Variants in AP3B2 observed in about 807,000 individuals in gnomAD.
AP3B2 encodes the protein AP-3 complex subunit beta-2.
Under a neutral mutation model 126.9 loss-of-function variants are expected in AP3B2, and 50 were observed. The observed-to-expected ratio is 0.39, with a 90% CI of 0.31 to 0.50. AP3B2 has a LOEUF of 0.50. Among genes scored for constraint, AP3B2 ranks in the 20% least tolerant of loss-of-function variants. AP3B2 has a pLI of 0.79. For synonymous variants in AP3B2, 541 were observed against 565.0 expected (o/e 0.96, Z 0.60); for missense variants, 1,177 against 1,426.4 (o/e 0.83, Z 2.82).
intron 14 of AP3B2, among the ~76,000 whole-genome samples, 182 bp downstream of exon 14, chr15:82,676,279 C>T (rs887863674): frequency 1.3e-5 from 2 of 152,210 alleles, no homozygotes; most frequent in African/African-American, 4.8e-5. Context: ...ACCACCAGCA[C>T]TACAAGGTCT....
chr15:82,675,885 T>C (rs1015298011), intron 14 of AP3B2, among the ~76,000 whole-genome samples: 2 of 152,174 alleles, frequency 1.3e-5, no homozygotes, highest in Non-Finnish European at 2.9e-5. Flanking sequence ...GAGAATCTCC[T>C]GGAACCATCT....
Position 82,664,267 on chromosome 15 carries a change from G to T in AP3B2, c.2261+100C>A, listed in dbSNP as rs2048011423. ...GACAGCCCCACCCAGCTCACGAGGG[G>T]CTCAGGGGCTCTTAGGAGACTGGCT... On this transcript the variant is annotated intron_variant, in intron 19 of 26. Coordinates refer to ENST00000535359, the MANE Select transcript of AP3B2 (RefSeq NM_001278512.2). This position sits in a 1 kb window ranked among gnomAD's most constrained non-coding sequence, Gnocchi z 4.5. 1.9e-6 allele frequency: 3 copies of T among 1,575,138 alleles called. No homozygotes were observed. The highest frequency in any genetic ancestry group is 2.6e-6 in the Non-Finnish European group (3 of 1,159,074).
In AP3B2 at chr15:82,666,746, C is replaced by T; in HGVS notation, c.1852+1G>A. On this transcript the variant is annotated splice_donor_variant, in intron 15 of 26. Coordinates refer to ENST00000535359, the MANE Select transcript of AP3B2 (RefSeq NM_001278512.2). LOFTEE classifies it high-confidence loss of function. ...AGGTTACCCTTGATTTCAGCTCCCACCTTTGAAGGATGACTCCAAGACTGG... is the reference window on the plus strand; with the variant it reads ...AGGTTACCCTTGATTTCAGCTCCCATCTTTGAAGGATGACTCCAAGACTGG... 6.2e-7 allele frequency: 1 copy of T among 1,613,066 alleles called. No individual in the cohort carries two copies. Among genetic ancestry groups the T allele is most frequent in the Non-Finnish European group, 8.5e-7 (1 of 1,179,296 alleles).
At chr15:82,663,778 T>G in intron 20 of AP3B2, 23 bp downstream of exon 20, 2 of 1,607,166 alleles carry the variant, frequency 1.2e-6, no homozygotes, top group Non-Finnish European at 1.7e-6. Context: ...GAGCACACCC[T>G]GACTCTGCCC....
chr15:82,682,176 C>A (rs2048351582), intron 4 of AP3B2, among the ~76,000 whole-genome samples: 1 of 151,426 alleles, frequency 6.6e-6, no homozygotes, highest in African/African-American at 2.4e-5. Flanking sequence ...CTCAGCCTCC[C>A]AAGTAGCTGG....
At chr15:82,704,948 C>G (rs1257159243) in intron 1 of AP3B2, among the ~76,000 whole-genome samples, 1 of 152,208 alleles carries the variant, frequency 6.6e-6, no homozygotes, top group African/African-American at 2.4e-5. Flanking sequence ...CTGAGGCCAA[C>G]TTGGACAATA....
chr15:82,659,560 T>A lies in AP3B2; in HGVS notation c.3306A>T (p.Ter1102CysextTer16). The A allele has an allele frequency of 6.2e-7, 1 of 1,613,592 alleles. No individual in the cohort carries two copies. The highest frequency in any genetic ancestry group is 8.5e-7 in the Non-Finnish European group (1 of 1,179,710). ...VKDVIQALTQ[*>C] ...CCAAACAGGTCACAGCATTTGGAAG[T>A]CACTGGGTCAGAGCCTGTATCACAT... The change falls in exon 27 of 27, where the codon TGA becomes TGT. Residue 1102 changes from the stop codon to cysteine, a stop_lost. Transcript: ENST00000535359.
At chr15:82,667,953 C>CA (rs1212026540) in intron 14 of AP3B2, among the ~76,000 whole-genome samples, 2 of 152,118 alleles carry the variant, frequency 1.3e-5, no homozygotes, top group Admixed American at 6.5e-5. Context: ...ACCAAGTGGT[C>CA]AACAAGCAGA....
At chr15:82,688,673 C>A in intron 4 of AP3B2, 63 bp downstream of exon 4, 1 of 1,454,286 alleles carries the variant, frequency 6.9e-7, no homozygotes, top group Non-Finnish European at 9.5e-7. Context: ...TCTCCCCAGG[C>A]CTACTCCTCC....
In AP3B2 at chr15:82,659,917, T is replaced by C; in HGVS notation, c.3083A>G (p.His1028Arg). 6.2e-7 allele frequency: 1 copy of C among 1,613,902 alleles called. No individual in the cohort carries two copies. The highest frequency in any genetic ancestry group is 8.5e-7 in the Non-Finnish European group (1 of 1,179,822). Reference protein sequence around the residue: ...LMLPDTCRSDHIVVQKVTATA... With the variant: ...LMLPDTCRSDRIVVQKVTATA... ...GGCAGTCACTTTCTGCACCACAATG[T>C]GGTCACTCCGACAGGTGTCTGGCAG... The change falls in exon 26 of 27, where the codon CAC becomes CGC. Residue 1028 changes from histidine (H) to arginine (R), a missense_variant. Transcript: ENST00000535359.
chr15:82,693,567 G>T (rs1326558593), intron 1 of AP3B2, among the ~76,000 whole-genome samples: 1 of 151,762 alleles, frequency 6.6e-6, no homozygotes, highest in African/African-American at 2.4e-5. Flanking sequence ...AATTTAACTT[G>T]TATACATATT....
In AP3B2 at chr15:82,709,687, T is replaced by C; in HGVS notation, c.20A>G (p.Tyr7Cys). The C allele has an allele frequency of 6.7e-7, 1 of 1,497,430 alleles. No homozygotes were observed. The highest frequency in any genetic ancestry group is 8.9e-7 in the Non-Finnish European group (1 of 1,125,038). The allele number at this position is 1,497,430 out of a possible 1,614,324, so 92.8% of individuals were successfully genotyped here. The change falls in exon 1 of 27, where the codon TAC becomes TGC. Residue 7 changes from tyrosine (Y) to cysteine (C), a missense_variant. By Grantham distance (194) the Tyr-to-Cys change is radical. This residue lies in a region of AP3B2 where 49 missense variants were observed against 39.3 expected (regional missense o/e 1.25). Coordinates refer to ENST00000535359, the MANE Select transcript of AP3B2 (RefSeq NM_001278512.2). MSAAPA[Y>C]SEDKGGSAGP... is the part of the protein sequence containing the mutation. The stretch of plus-strand genomic sequence containing the variant: ...AGCGGAGCCGCCCTTGTCTTCGCTG[T>C]AGGCGGGGGCGGCCGACATGGGGCG...
Position 82,677,269 on chromosome 15 carries a change from C to T in AP3B2, c.1488+5G>A, listed in dbSNP as rs1289163025. The T allele has an allele frequency of 4.4e-6, 7 of 1,606,682 alleles. No homozygotes were observed. Among genetic ancestry groups the T allele is most frequent in the Non-Finnish European group, 6.0e-6 (7 of 1,175,368 alleles). On this transcript the variant is annotated splice_donor_5th_base_variant and intron_variant, in intron 13 of 26. Coordinates refer to ENST00000535359, the MANE Select transcript of AP3B2 (RefSeq NM_001278512.2). ...TGGGGAGTGAAAATATGGCTTCTCCCTCACCTGGATGTTGTCTGTAAGCTT... is the reference window on the plus strand; with the variant it reads ...TGGGGAGTGAAAATATGGCTTCTCCTTCACCTGGATGTTGTCTGTAAGCTT...
intron 1 of AP3B2, chr15:82,691,886 G>C (rs2048540935): frequency 8.7e-6 from 11 of 1,266,306 alleles, no homozygotes; most frequent in Non-Finnish European, 1.3e-5. Flanking sequence ...GTGGAATTTA[G>C]TGTCATCCAA....
chr15:82,661,355 T>C (rs1161085889), intron 25 of AP3B2, among the ~76,000 whole-genome samples: 1 of 152,158 alleles, frequency 6.6e-6, no homozygotes, highest in African/African-American at 2.4e-5. Flanking sequence ...TGATCTTCCC[T>C]CCTCCCTTGC....
chr15:82,679,515 T>G (rs1023018264), intron 10 of AP3B2, among the ~76,000 whole-genome samples: 1 of 152,184 alleles, frequency 6.6e-6, no homozygotes, highest in African/African-American at 2.4e-5. Context: ...GAGTAGCAGG[T>G]GTATACCAGG....
intron 14 of AP3B2, among the ~76,000 whole-genome samples, chr15:82,667,220 C>T (rs1778443968): frequency 6.6e-6 from 1 of 152,206 alleles, no homozygotes; most frequent in Non-Finnish European, 1.5e-5. Flanking sequence ...GGACTCCATT[C>T]TTCCCTAGAT....
intron 1 of AP3B2, among the ~76,000 whole-genome samples, chr15:82,693,437 G>A (rs938874636): frequency 6.6e-6 from 1 of 151,370 alleles, no homozygotes; most frequent in Non-Finnish European, 1.5e-5. Flanking sequence ...AGTAGAGACA[G>A]GGTTTCACCA....
intron 1 of AP3B2, chr15:82,692,523 G>GGAA: frequency 4.9e-6 from 1 of 204,826 alleles, no homozygotes; most frequent in Non-Finnish European, 9.6e-6. Flanking sequence ...GGAAACAAGA[G>GGAA]GAAGGGTTTG....
Sources: gnomAD v4.1 joint callset for allele counts (sites outside exome capture counted in the v4.1 genomes callset) on GRCh38, gnomAD v4.1.1 for gene constraint, gnomAD v4.1.1 regional missense constraint, Gnocchi (gnomAD v3.1) non-coding constraint, MANE v1.5 for transcripts, NCBI Gene and HGNC (gene_info 2026-07-23, HGNC 2026-07-21) for gene names.